The following CLN6 variants were observed in gnomAD, a reference collection of about 807,000 sequenced individuals.
The protein encoded by CLN6 is CLN6 transmembrane ER protein.
A neutral mutation model predicts 33.3 loss-of-function variants in CLN6; 22 were observed. That is an observed-to-expected ratio of 0.66 (90% CI 0.47 to 0.94). CLN6 has a LOEUF of 0.94. CLN6 is among the 40% of genes least tolerant of loss of function. The pLI is 0.00. For synonymous variants in CLN6, 201 were observed against 174.6 expected (o/e 1.15, Z -1.19); for missense variants, 387 against 417.1 (o/e 0.93, Z 0.63).
chr15:68,238,914 G>A (rs148159292), intron 1 of CLN6, among the ~76,000 whole-genome samples: 1 of 152,200 alleles, frequency 6.6e-6, no homozygotes, highest in East Asian at 1.9e-4. Flanking sequence ...TAATTTGTGG[G>A]GTTAAAAAAG....
At position 68,249,632 on chromosome 15, in the gene CLN6, G is replaced by A. The variant is rs545197587; in HGVS notation, c.179+7058C>T. Among the ~76,000 whole-genome samples the A allele has an allele frequency of 9.1e-5, 4 of 43,772 alleles. No individual in the cohort carries two copies. In the South Asian group the frequency reaches 1.9e-3, roughly 21 times the overall value. The allele number at this position is 43,772 out of a possible 152,430, so 28.7% of individuals were successfully genotyped here. A position where few individuals can be genotyped will look rare whatever the true frequency, so the allele number is the denominator to read the frequency against. Reference sequence around the variant, plus strand: ...GGAGCTAAAAAGTGAATCTCATGAAGATAGAGAGTAGATTGACAGTAAGGG... The same window carrying A: ...GGAGCTAAAAAGTGAATCTCATGAAAATAGAGAGTAGATTGACAGTAAGGG... On this transcript the variant is annotated intron_variant, in intron 1 of 6. Transcript: ENST00000538696.
chr15:68,237,317 CA>C lies in CLN6; in HGVS notation c.180-18668del, dbSNP rs575751381. Among the ~76,000 whole-genome samples the C allele has an allele frequency of 1.4e-3, 187 of 135,048 alleles. 2 individuals are homozygous for C. The East Asian group carries it at 0.014, about 10-fold the overall frequency. The allele number at this position is 135,048 out of a possible 152,430, so 88.6% of individuals were successfully genotyped here. ...CAACATAGCGAGACCCCTATCTCTA[CA>C]AAAAAAAAAAAATTAAAAAATTAGC... is the stretch of plus-strand genomic sequence containing the variant. On this transcript the variant is annotated intron_variant, in intron 1 of 6. Transcript: ENST00000538696.
chr15:68,247,735 C>T lies in CLN6; in HGVS notation c.179+8955G>A, dbSNP rs535298050. 1.9e-4 allele frequency among the ~76,000 whole-genome samples: 29 copies of T among 152,110 alleles called. No individual in the cohort carries two copies. The highest frequency in any genetic ancestry group is 3.2e-4 in the Non-Finnish European group (22 of 67,986). On this transcript the variant is annotated intron_variant, in intron 1 of 6. Coordinates refer to the CLN6 transcript ENST00000538696. The surrounding 1 kb of genome is among the most constrained non-coding windows in gnomAD (Gnocchi z 4.2). Reference sequence around the variant, plus strand: ...ATAGTGAAAGCAATCCTAAGCAAAACGAACAAACCTGGGTCAGGCATGGTG... The same window carrying T: ...ATAGTGAAAGCAATCCTAAGCAAAATGAACAAACCTGGGTCAGGCATGGTG...
At chr15:68,230,606 C>A (rs1166996650), upstream of CLN6, among the ~76,000 whole-genome samples, 2 of 152,152 alleles carry the variant, frequency 1.3e-5, no homozygotes, top group African/African-American at 4.8e-5. This position sits in a 1 kb window ranked among gnomAD's most constrained non-coding sequence, Gnocchi z 4.0. Context: ...TGGCTCAACC[C>A]CTCACAGCTT....
rs2093206410 is a variant in CLN6, at chr15:68,211,816, C to T, written c.345G>A (p.Val115=). The change falls in exon 4 of 7, where the codon GTG becomes GTA. Residue 115 remains valine (V), a synonymous_variant. Coordinates refer to ENST00000249806, the MANE Select transcript of CLN6 (RefSeq NM_017882.3). This position sits in a 1 kb window ranked among gnomAD's most constrained non-coding sequence, Gnocchi z 5.9. ...PRTLPRSITY[V]SIIIFIMGAS... ...CACCCATGATGAAGATGATGATGCT[C>T]ACGTACGTGATGGAGCGTGGCAGGG... 6.2e-7 allele frequency: 1 copy of T among 1,613,834 alleles called. No individual in the cohort carries two copies.
chr15:68,217,443 T>A (rs2093223572), intron 2 of CLN6, among the ~76,000 whole-genome samples: 2 of 152,208 alleles, frequency 1.3e-5, no homozygotes, highest in Admixed American at 1.3e-4. Context: ...TTGCCCTGAC[T>A]GATCTCAAAC....
At chr15:68,239,600 T>C (rs1025459413) in intron 1 of CLN6, among the ~76,000 whole-genome samples, 6 of 152,054 alleles carry the variant, frequency 3.9e-5, no homozygotes, top group Non-Finnish European at 8.8e-5. Flanking sequence ...TAAAATAGCA[T>C]CCAAATATAT....
At position 68,256,729 on chromosome 15, in the gene CLN6, C is replaced by A. The variant is rs944938186; in HGVS notation, c.140G>T (p.Cys47Phe). ...TTTGAGTTTTCTCAGCGAAGTCTCACAGGACAATGGCGCCTGCGCCAGTGG... is the reference window on the plus strand; with the variant it reads ...TTTGAGTTTTCTCAGCGAAGTCTCAAAGGACAATGGCGCCTGCGCCAGTGG... Residue 47 changes from cysteine (C) to phenylalanine (F), a missense_variant, in exon 1 of 7, where the codon TGT (cysteine) becomes TTT (phenylalanine). Cys to Phe is a radical substitution (Grantham distance 205). Transcript: ENST00000538696. This position sits in a 1 kb window ranked among gnomAD's most constrained non-coding sequence, Gnocchi z 4.1. 6 of 692,118 alleles carry A rather than the reference C, an allele frequency of 8.7e-6. No individual in the cohort carries two copies. In the African/African-American group the frequency reaches 8.9e-5, roughly 10 times the overall value. 42.9% of individuals were successfully genotyped at this position (692,118 alleles called of 1,614,324 possible).
chr15:68,226,770 A>G (rs2093253476), intron 1 of CLN6, among the ~76,000 whole-genome samples: 1 of 151,870 alleles, frequency 6.6e-6, no homozygotes, highest in African/African-American at 2.4e-5. Flanking sequence ...TGGCCAGTAG[A>G]TCGTATCTCA....
chr15:68,207,804 G>C lies in CLN6; in HGVS notation c.*336C>G, dbSNP rs997007242. On this transcript the variant is annotated 3_prime_UTR_variant, in exon 7 of 7. Transcript: ENST00000249806. ...ACGGCTACCAGAAGATGTCCGGGAA[G>C]AACAGACTAGCCCTGAGTAGGGAGT... 1 of 391,534 alleles carries C rather than the reference G, an allele frequency of 2.6e-6. No individual in the cohort carries two copies. The highest frequency in any genetic ancestry group is 2.1e-5 in the African/African-American group (1 of 48,402). 24.3% of individuals were successfully genotyped at this position (391,534 alleles called of 1,614,324 possible).
In CLN6 at chr15:68,208,098, A is replaced by ACC. The variant is rs2141135759; in HGVS notation, c.*40_*41dup. 20 of 448,420 alleles carry ACC rather than the reference A, an allele frequency of 4.5e-5. No individual in the cohort carries two copies. The highest frequency in any genetic ancestry group is 7.0e-5 in the East Asian group (1 of 14,290). 27.8% of individuals were successfully genotyped at this position (448,420 alleles called of 1,614,324 possible). On this transcript the variant is annotated 3_prime_UTR_variant, in exon 7 of 7. Transcript: ENST00000249806. This position sits in a 1 kb window ranked among gnomAD's most constrained non-coding sequence, Gnocchi z 5.8. ...TGTATTCAGATGCCCTCCATGGCCC[A>ACC]CCCTCCCACCCAGCAGAGCGCCAGA...
chr15:68,235,591 T>TAAATAA (rs1171927856), intron 1 of CLN6, among the ~76,000 whole-genome samples: 190 of 5,844 alleles, frequency 0.033, no homozygotes, highest in African/African-American at 0.039. Flanking sequence ...AAAATAAATA[T>TAAATAA]ATATATATAT....
upstream of CLN6, among the ~76,000 whole-genome samples, chr15:68,233,630 T>A (rs1342017385): frequency 6.6e-6 from 1 of 152,228 alleles, no homozygotes; most frequent in East Asian, 1.9e-4. The surrounding 1 kb of genome is among the most constrained non-coding windows in gnomAD (Gnocchi z 4.3). Flanking sequence ...TGAAGGCCCC[T>A]GCTAGACTGC....
chr15:68,248,420 G>A (rs1055219899), intron 1 of CLN6: 1 of 152,196 alleles, frequency 6.6e-6, no homozygotes, highest in Non-Finnish European at 1.5e-5. Context: ...GGCCGAGGTG[G>A]GCGGATAACG....
intron 1 of CLN6, among the ~76,000 whole-genome samples, chr15:68,255,773 C>T (rs887189368): frequency 6.6e-5 from 10 of 152,302 alleles, no homozygotes; most frequent in Non-Finnish European, 1.2e-4. Flanking sequence ...TACTTCAATT[C>T]ATTTCACCTG....
In CLN6 at chr15:68,256,585, C is replaced by CAA. The variant is rs1284061122; in HGVS notation, c.179+104_179+105insTT. 3 of 553,566 alleles carry CAA rather than the reference C, an allele frequency of 5.4e-6. No individual in the cohort carries two copies. Among genetic ancestry groups the CAA allele is most frequent in the Non-Finnish European group, 9.7e-6 (3 of 309,100 alleles). The allele number at this position is 553,566 out of a possible 1,614,324, so 34.3% of individuals were successfully genotyped here. A position where few individuals can be genotyped will look rare whatever the true frequency, so the allele number is the denominator to read the frequency against. On this transcript the variant is annotated intron_variant, in intron 1 of 6. Coordinates refer to the CLN6 transcript ENST00000538696. This position sits in a 1 kb window ranked among gnomAD's most constrained non-coding sequence, Gnocchi z 4.1. The stretch of plus-strand genomic sequence containing the variant: ...ATACTCTCTTTGGGATCCCCACACA[C>CAA]GTGGCTGGCTTCAGGGGTGTGGGCA...
At position 68,250,322 on chromosome 15, in the gene CLN6, T is replaced by TA. The variant is rs959662383; in HGVS notation, c.179+6367dup. Among the ~76,000 whole-genome samples the TA allele has an allele frequency of 4.9e-4, 72 of 146,698 alleles. No individual in the cohort carries two copies. The Middle Eastern group carries it at 0.01, about 21-fold the overall frequency. On this transcript the variant is annotated intron_variant, in intron 1 of 6. Transcript: ENST00000538696. ...TATGGGATAAATTGAATCAGTGGCTTAAAAAAAAAAATCAAGCCAGCTGGT... is the reference window on the plus strand; with the variant it reads ...TATGGGATAAATTGAATCAGTGGCTTAAAAAAAAAAAATCAAGCCAGCTGGT...
rs1892336099 is a variant in CLN6 at position 68,247,144 on chromosome 15, A to G, written c.179+9546T>C. ...CACCTCCACTTTTATTCAACATAGT[A>G]TTGGAAGTCCTGTCCATAGCAATTA... On this transcript the variant is annotated intron_variant, in intron 1 of 6. Transcript: ENST00000538696. This position sits in a 1 kb window ranked among gnomAD's most constrained non-coding sequence, Gnocchi z 4.2. 6.6e-6 allele frequency among the ~76,000 whole-genome samples: 1 copy of G among 152,166 alleles called. No homozygotes were observed. Among genetic ancestry groups the G allele is most frequent in the Non-Finnish European group, 1.5e-5 (1 of 68,038 alleles).
intron 1 of CLN6, among the ~76,000 whole-genome samples, chr15:68,252,206 T>C (rs532108663): frequency 6.6e-6 from 1 of 152,186 alleles, no homozygotes; most frequent in East Asian, 1.9e-4. Context: ...ACTCCCAACC[T>C]CAGGTTATCC....
Sources: gnomAD v4.1 joint callset for allele counts (sites outside exome capture counted in the v4.1 genomes callset) on GRCh38, gnomAD v4.1.1 for gene constraint, Gnocchi (gnomAD v3.1) non-coding constraint, MANE v1.5 for transcripts, NCBI Gene and HGNC (gene_info 2026-07-23, HGNC 2026-07-21) for gene names.